The following KCTD8 variants were observed in gnomAD, a reference collection of about 807,000 sequenced individuals.
KCTD8 encodes the protein BTB/POZ domain-containing protein KCTD8.
Under a neutral mutation model 31.5 loss-of-function variants are expected in KCTD8, and 27 were observed. That is an observed-to-expected ratio of 0.86 (90% confidence interval 0.63 to 1.18). The LOEUF is 1.18. Ranked by LOEUF, KCTD8 falls within the 50% of genes most tolerant of loss-of-function variation. The pLI, the probability that KCTD8 is intolerant of heterozygous loss-of-function variation, is 0.00. For missense variants in KCTD8, 658 were observed against 647.7 expected, an observed-to-expected ratio of 1.02 and a Z score of -0.17; for synonymous variants, 290 against 280.0, an observed-to-expected ratio of 1.04 and a Z score of -0.36.
At chr4:44,404,308 C>T (rs74936120) in intron 1 of KCTD8, among the ~76,000 whole-genome samples, 2,053 of 152,218 alleles carry the variant, frequency 0.013, 22 homozygotes, top group Middle Eastern at 0.02. Flanking sequence ...AAAGTCCAGA[C>T]ATTAAATTCC....
chr4:44,382,019 GAATAT>G (rs1720077981), intron 1 of KCTD8, among the ~76,000 whole-genome samples: 1 of 152,034 alleles, frequency 6.6e-6, no homozygotes, highest in Non-Finnish European at 1.5e-5. Flanking sequence ...TTCATCAAGA[GAATAT>G]AATAAATTGC....
At position 44,337,677 on chromosome 4, in the gene KCTD8, A is replaced by AT. The variant is rs1380272377; in HGVS notation, c.961+109885_961+109886insA. On this transcript the variant is annotated intron_variant, in intron 1 of 1. Coordinates refer to ENST00000360029, the MANE Select transcript of KCTD8 (RefSeq NM_198353.3). ...TGACAGAGCAAGACTCGATCTCAAA[A>AT]AATATATATATATATATATATGTGT... 9.3e-3 allele frequency among the ~76,000 whole-genome samples: 1,117 copies of AT among 120,564 alleles called. 16 individuals carry two copies. The highest frequency in any genetic ancestry group is 0.034 in the African/African-American group (1,042 of 31,046). The allele number at this position is 120,564 out of a possible 152,430, so 79.1% of individuals were successfully genotyped here.
chr4:44,298,288 G>A (rs76162275), intron 1 of KCTD8, among the ~76,000 whole-genome samples: 3,974 of 152,056 alleles, frequency 0.026, 112 homozygotes, highest in East Asian at 0.13. Context: ...CTTCTGTTTC[G>A]GAATTGGGAG....
intron 1 of KCTD8, among the ~76,000 whole-genome samples, chr4:44,295,852 T>G (rs1455577869): frequency 6.6e-6 from 1 of 152,184 alleles, no homozygotes; most frequent in Non-Finnish European, 1.5e-5. Context: ...TGTAGCAATA[T>G]GCAATTATTA....
chr4:44,386,237 A>ATT (rs1720207859), intron 1 of KCTD8, among the ~76,000 whole-genome samples: 1 of 151,588 alleles, frequency 6.6e-6, no homozygotes, highest in African/African-American at 2.4e-5. Context: ...TCTAAGAGAT[A>ATT]TTTCTACAGT....
intron 1 of KCTD8, among the ~76,000 whole-genome samples, chr4:44,280,627 G>A (rs1330967228): frequency 6.6e-6 from 1 of 152,028 alleles, no homozygotes; most frequent in African/African-American, 2.4e-5. Flanking sequence ...TTGTGGAAGG[G>A]GACAGATGCA....
intron 1 of KCTD8, among the ~76,000 whole-genome samples, chr4:44,446,575 AT>A (rs1007945956): frequency 6.6e-6 from 1 of 151,948 alleles, no homozygotes; most frequent in Non-Finnish European, 1.5e-5. Flanking sequence ...AGATTATGGT[AT>A]TTGGTATAGT....
intron 1 of KCTD8, among the ~76,000 whole-genome samples, chr4:44,423,283 T>C (rs1454502741): frequency 6.6e-6 from 1 of 152,126 alleles, no homozygotes; most frequent in African/African-American, 2.4e-5. Context: ...ATTTATTTTG[T>C]TCAGTCAGTA....
intron 1 of KCTD8, among the ~76,000 whole-genome samples, chr4:44,351,093 C>T (rs1719183406): frequency 6.6e-6 from 1 of 152,094 alleles, no homozygotes; most frequent in African/African-American, 2.4e-5. Flanking sequence ...TATTCTGTTC[C>T]TTTACCGTGC....
intron 1 of KCTD8, among the ~76,000 whole-genome samples, chr4:44,333,054 T>A (rs2109413518): frequency 6.6e-6 from 1 of 152,224 alleles, no homozygotes; most frequent in South Asian, 2.1e-4. Context: ...TTGGCCATAA[T>A]GATTGTAGAG....
intron 1 of KCTD8, among the ~76,000 whole-genome samples, chr4:44,318,088 T>A (rs114770941): frequency 0.015 from 2,224 of 152,354 alleles, 54 homozygotes; most frequent in African/African-American, 0.049. Flanking sequence ...ATATCTGGTA[T>A]CATTTGCTCC....
chr4:44,199,376 G>A (rs991128637), intron 1 of KCTD8, among the ~76,000 whole-genome samples: 8 of 152,062 alleles, frequency 5.3e-5, no homozygotes, highest in African/African-American at 1.7e-4. Context: ...CACTTAGAAC[G>A]TATTCAAAAA....
chr4:44,231,576 T>C (rs1427738835), intron 1 of KCTD8, among the ~76,000 whole-genome samples: 1 of 152,192 alleles, frequency 6.6e-6, no homozygotes, highest in Non-Finnish European at 1.5e-5. Context: ...CAAAATGGAA[T>C]GTTGTCTTTG....
chr4:44,305,478 C>T (rs1577605463), intron 1 of KCTD8, among the ~76,000 whole-genome samples: 1 of 151,524 alleles, frequency 6.6e-6, no homozygotes, highest in Admixed American at 6.6e-5. Context: ...AAGAGAATCA[C>T]TTCTCTTTAT....
intron 1 of KCTD8, among the ~76,000 whole-genome samples, chr4:44,362,655 T>C (rs1015958425): frequency 1.3e-5 from 2 of 152,008 alleles, no homozygotes; most frequent in African/African-American, 4.8e-5. Flanking sequence ...AGGAACATAA[T>C]GGAAAATAAA....
intron 1 of KCTD8, among the ~76,000 whole-genome samples, chr4:44,294,373 G>T (rs949383485): frequency 6.6e-6 from 1 of 152,116 alleles, no homozygotes; most frequent in Non-Finnish European, 1.5e-5. Context: ...AACACATTCT[G>T]CCCAAAGATT....
At chr4:44,256,741 T>C (rs567459094) in intron 1 of KCTD8, among the ~76,000 whole-genome samples, 8 of 151,918 alleles carry the variant, frequency 5.3e-5, no homozygotes, top group Middle Eastern at 3.4e-3. Flanking sequence ...TCAGAATGCT[T>C]TGAGTAAGAA....
At chr4:44,255,838 T>C (rs1379363039) in intron 1 of KCTD8, among the ~76,000 whole-genome samples, 1 of 151,978 alleles carries the variant, frequency 6.6e-6, no homozygotes, top group Non-Finnish European at 1.5e-5. Flanking sequence ...TCAGCAAATA[T>C]ATCTTAAACA....
intron 1 of KCTD8, among the ~76,000 whole-genome samples, chr4:44,342,300 C>T (rs574452127): frequency 2.8e-5 from 4 of 142,054 alleles, no homozygotes; most frequent in East Asian, 2.1e-4. Flanking sequence ...ACCCAGGAGG[C>T]GGAGATTGCA....
Sources: allele counts gnomAD v4.1 joint callset (sites outside exome capture counted in the v4.1 genomes callset), GRCh38; gene constraint gnomAD v4.1.1; transcripts MANE v1.5; gene names NCBI Gene and HGNC (gene_info 2026-07-23, HGNC 2026-07-21).